Variants in CHRM3 observed in about 807,000 individuals in gnomAD.
CHRM3 encodes cholinergic receptor muscarinic 3.
In CHRM3, 11 loss-of-function variants were observed where a neutral mutation model predicts 41.8. That is an observed-to-expected ratio of 0.26 (90% CI 0.17 to 0.44). CHRM3 has a LOEUF of 0.44. Among genes scored for constraint, CHRM3 ranks in the 20% least tolerant of loss-of-function variants. CHRM3 has a pLI of 1.00. For missense variants in CHRM3, 571 were observed against 745.4 expected (o/e 0.77, Z 2.72); for synonymous variants, 297 against 301.4 (o/e 0.99, Z 0.15).
intron 2 of CHRM3, among the ~76,000 whole-genome samples, chr1:239,513,313 C>T (rs1461173646): frequency 6.6e-6 from 1 of 151,906 alleles, no homozygotes; most frequent in African/African-American, 2.4e-5. Flanking sequence ...TTTGTCAGTG[C>T]TTTGAATTTT....
rs1385155070 is a variant in CHRM3, at chr1:239,676,480, T to C, written c.-249-1706T>C. Among the ~76,000 whole-genome samples, 4 of 152,158 alleles carry C rather than the reference T, an allele frequency of 2.6e-5. No homozygotes were observed. The East Asian group carries it at 7.7e-4, about 29-fold the overall frequency. On this transcript the variant is annotated intron_variant, in intron 4 of 6. Transcript: ENST00000676153. ...ACAGGAAGGGTGAGATTGGAAACAGTCCATTTCTGCCCAGAGCCCACTCTG... is the reference window on the plus strand; with the variant it reads ...ACAGGAAGGGTGAGATTGGAAACAGCCCATTTCTGCCCAGAGCCCACTCTG...
At chr1:239,694,050 A>G (rs895054218) in intron 5 of CHRM3, among the ~76,000 whole-genome samples, 10 of 152,190 alleles carry the variant, frequency 6.6e-5, no homozygotes, top group African/African-American at 2.4e-4. Flanking sequence ...CGTGAGCATT[A>G]TGCTGTTTGT....
At chr1:239,484,883 AT>A (rs913493632) in intron 1 of CHRM3, among the ~76,000 whole-genome samples, 3 of 152,116 alleles carry the variant, frequency 2.0e-5, no homozygotes, top group African/African-American at 7.2e-5. Flanking sequence ...AAGGGATCTT[AT>A]AAAAAAGGCC....
At chr1:239,853,467 G>GC (rs1432597875) in intron 6 of CHRM3, among the ~76,000 whole-genome samples, 1 of 151,380 alleles carries the variant, frequency 6.6e-6, no homozygotes, top group Non-Finnish European at 1.5e-5. Flanking sequence ...CATAGTACCA[G>GC]TTTTTTTGTT....
chr1:239,646,411 A>G (rs1671742453), intron 4 of CHRM3, among the ~76,000 whole-genome samples: 5 of 152,216 alleles, frequency 3.3e-5, no homozygotes, highest in Admixed American at 1.3e-4. Context: ...TTATGTAACC[A>G]AGTTGTCATG....
chr1:239,787,239 C>G (rs1668974818), intron 5 of CHRM3, among the ~76,000 whole-genome samples: 2 of 152,192 alleles, frequency 1.3e-5, no homozygotes, highest in Non-Finnish European at 2.9e-5. Flanking sequence ...ATGGTATCCA[C>G]CTGGTGGCTG....
At chr1:239,521,853 AT>A (rs1669663588) in intron 2 of CHRM3, among the ~76,000 whole-genome samples, 1 of 152,200 alleles carries the variant, frequency 6.6e-6, no homozygotes, top group African/African-American at 2.4e-5. Context: ...ATTGTACTAG[AT>A]ATTACAAGTA....
chr1:239,526,624 T>A (rs1470368324), intron 2 of CHRM3, among the ~76,000 whole-genome samples: 1 of 152,194 alleles, frequency 6.6e-6, no homozygotes, highest in Admixed American at 6.5e-5. Context: ...TAAGTGCAAA[T>A]GAATGCACTT....
rs184894229 is a variant in CHRM3, at chr1:239,727,068, G to C, written c.-147+48780G>C. ...ACAATTTTCTCATGTGTATTATAGT[G>C]ATAATAATAGTACTTATCCCATACA... On this transcript the variant is annotated intron_variant, in intron 5 of 6. Transcript: ENST00000676153. Among the ~76,000 whole-genome samples the C allele has an allele frequency of 1.1e-4, 16 of 151,862 alleles. No individual in the cohort carries two copies. The East Asian group carries it at 3.1e-3, about 30-fold the overall frequency.
chr1:239,604,063 C>T, intron 3 of CHRM3, among the ~76,000 whole-genome samples: 1 of 152,008 alleles, frequency 6.6e-6, no homozygotes, highest in Non-Finnish European at 1.5e-5. Flanking sequence ...AATTAAAATA[C>T]ATTAAAAAAG....
chr1:239,786,381 T>C (rs751734161), intron 5 of CHRM3, among the ~76,000 whole-genome samples: 1 of 152,190 alleles, frequency 6.6e-6, no homozygotes. Context: ...CCATGTGTAT[T>C]TCCTCATTTA....
chr1:239,908,114 C>T lies in CHRM3; in HGVS notation c.663C>T (p.Cys221=). The T allele has an allele frequency of 6.2e-7, 1 of 1,614,174 alleles. No homozygotes were observed. Among genetic ancestry groups the T allele is most frequent in the Non-Finnish European group, 8.5e-7 (1 of 1,180,044 alleles). The change falls in exon 7 of 7, where the codon TGC becomes TGT. Residue 221 remains cysteine, a synonymous_variant. Coordinates refer to ENST00000676153, the MANE Select transcript of CHRM3 (RefSeq NM_001375978.1). This position sits in a 1 kb window ranked among gnomAD's most constrained non-coding sequence, Gnocchi z 7.2. ...VGKRTVPPGE[C]FIQFLSEPTI... is the part of the protein sequence containing the mutation. Reference sequence around the variant, plus strand: ...AGAGAACTGTGCCTCCGGGAGAGTGCTTCATTCAGTTCCTCAGTGAGCCCA... The same window carrying T: ...AGAGAACTGTGCCTCCGGGAGAGTGTTTCATTCAGTTCCTCAGTGAGCCCA...
At chr1:239,756,747 C>G (rs1666275490) in intron 5 of CHRM3, among the ~76,000 whole-genome samples, 1 of 151,974 alleles carries the variant, frequency 6.6e-6, no homozygotes, top group Non-Finnish European at 1.5e-5. Context: ...ATTTTGATGC[C>G]CAGAGTTGAC....
chr1:239,621,955 A>C (rs1466738000), intron 3 of CHRM3, among the ~76,000 whole-genome samples: 1 of 152,132 alleles, frequency 6.6e-6, no homozygotes, highest in Non-Finnish European at 1.5e-5. Flanking sequence ...GGACAGGCTG[A>C]CTTCCTTATT....
chr1:239,408,218 A>G (rs1265857990), intron 1 of CHRM3: 3 of 152,232 alleles, frequency 2.0e-5, no homozygotes, highest in South Asian at 2.1e-4. Flanking sequence ...GTGTGAGGAC[A>G]GACGTATTTG....
chr1:239,511,838 C>T (rs1668943438), intron 2 of CHRM3, among the ~76,000 whole-genome samples: 1 of 152,030 alleles, frequency 6.6e-6, no homozygotes, highest in Admixed American at 6.6e-5. Context: ...ATGAATAGAT[C>T]CGGAAAGCAA....
chr1:239,479,523 C>A (rs912297561), intron 1 of CHRM3, among the ~76,000 whole-genome samples: 1 of 152,030 alleles, frequency 6.6e-6, no homozygotes, highest in South Asian at 2.1e-4. Context: ...TCAACAGTGG[C>A]GATAAGTTCT....
chr1:239,727,722 T>C (rs1474641358), intron 5 of CHRM3: 2 of 151,868 alleles, frequency 1.3e-5, no homozygotes, highest in African/African-American at 4.8e-5. Flanking sequence ...TGTCGTGTAT[T>C]TGCAAACCTG....
chr1:239,492,562 G>A (rs1040785601), intron 1 of CHRM3, 147 bp from the exon 2 acceptor site: 5 of 152,166 alleles, frequency 3.3e-5, no homozygotes, highest in Non-Finnish European at 7.3e-5. Context: ...TTTCCTGGGA[G>A]ACACTTTTAT....
Sources: allele counts gnomAD v4.1 joint callset (sites outside exome capture counted in the v4.1 genomes callset), GRCh38; gene constraint gnomAD v4.1.1; non-coding constraint Gnocchi (gnomAD v3.1); transcripts MANE v1.5; gene names NCBI Gene and HGNC (gene_info 2026-07-23, HGNC 2026-07-21).